Variants in ATP1A2 observed in about 807,000 individuals in gnomAD.
ATP1A2 encodes the protein ATPase Na+/K+ transporting subunit alpha 2, also known as sodium/potassium-transporting ATPase subunit alpha-2.
Under a neutral mutation model 113.1 loss-of-function variants are expected in ATP1A2, and 56 were observed. The ratio of observed to expected loss-of-function variants is 0.49; its 90% CI spans 0.40 to 0.62. ATP1A2 has a LOEUF of 0.62. Among genes scored for constraint, ATP1A2 ranks in the 20% least tolerant of loss-of-function variants. ATP1A2 has a pLI of 0.00. For missense variants in ATP1A2, 712 were observed against 1,357.8 expected (o/e 0.52, Z 7.47); for synonymous variants, 490 against 526.8 (o/e 0.93, Z 0.96).
chr1:160,128,558 C>T (rs1385629124), intron 8 of ATP1A2, 94 bp from the exon 9 acceptor site: 2 of 1,588,414 alleles, frequency 1.3e-6, no homozygotes, highest in Non-Finnish European at 1.7e-6. Flanking sequence ...GGAGTAGAAT[C>T]AGGGGAGGAG....
In ATP1A2 at chr1:160,125,374, T is replaced by A; in HGVS notation, c.748+121T>A. 2.2e-5 allele frequency: 20 copies of A among 913,990 alleles called. No homozygotes were observed. The South Asian group carries it at 2.7e-4, about 13-fold the overall frequency. 56.6% of individuals were successfully genotyped at this position (913,990 alleles called of 1,614,324 possible). A position where few individuals can be genotyped will look rare whatever the true frequency, so the allele number is the denominator to read the frequency against. On this transcript the variant is annotated intron_variant, in intron 7 of 22. Coordinates refer to ENST00000361216, the MANE Select transcript of ATP1A2 (RefSeq NM_000702.4). ...TGCCATTGGTGGGGCAATTGAGGGG[T>A]CAGGGGGCCCTGAATATTATGGAAA...
chr1:160,119,775 GC>G, intron 1 of ATP1A2, among the ~76,000 whole-genome samples: 1 of 151,624 alleles, frequency 6.6e-6, no homozygotes, highest in Non-Finnish European at 1.5e-5. Context: ...ATTCTGGGAG[GC>G]CAAGGTGGGA....
intron 20 of ATP1A2, chr1:160,137,347 GC>G: frequency 2.3e-6 from 1 of 427,876 alleles, no homozygotes; most frequent in Non-Finnish European, 4.4e-6. Flanking sequence ...TGTCTTCTGT[GC>G]CCACCCCTCC....
At chr1:160,141,021 C>A (rs1652131401) in intron 22 of ATP1A2, among the ~76,000 whole-genome samples, 1 of 152,054 alleles carries the variant, frequency 6.6e-6, no homozygotes, top group Admixed American at 6.6e-5. Context: ...TGCCACTATG[C>A]CCGACTAATT....
intron 1 of ATP1A2, among the ~76,000 whole-genome samples, chr1:160,116,080 G>A (rs551282212): frequency 3.3e-5 from 5 of 151,730 alleles, no homozygotes; most frequent in African/African-American, 7.3e-5. Flanking sequence ...TCCTCTGCAC[G>A]CCCCAGCCCC....
chr1:160,134,885 G>A (rs555337361), intron 14 of ATP1A2, among the ~76,000 whole-genome samples: 2 of 152,316 alleles, frequency 1.3e-5, no homozygotes, highest in South Asian at 4.1e-4. Context: ...ACTGCTGTAG[G>A]AGTGGGATGT....
rs1009164481 is a variant in ATP1A2, at chr1:160,142,331, A to C, written c.*1009A>C. ...TTTCTTTTCATGCCCATCCCGATGA[A>C]CCTGCATCATTCCCCGACACTGCCA... On this transcript the variant is annotated 3_prime_UTR_variant, in exon 23 of 23. Transcript: ENST00000361216. 3 of 152,130 alleles carry C rather than the reference A, an allele frequency of 2.0e-5. No homozygotes were observed. The highest frequency in any genetic ancestry group is 7.2e-5 in the African/African-American group (3 of 41,396). 9.4% of individuals were successfully genotyped at this position (152,130 alleles called of 1,614,324 possible). A position where few individuals can be genotyped will look rare whatever the true frequency, so the allele number is the denominator to read the frequency against.
In ATP1A2 at chr1:160,134,555, G is replaced by A; in HGVS notation, c.1899G>A (p.Glu633=). 1 of 1,614,236 alleles carries A rather than the reference G, an allele frequency of 6.2e-7. No homozygotes were observed. Among genetic ancestry groups the A allele is most frequent in the Non-Finnish European group, 8.5e-7 (1 of 1,180,044 alleles). ...AIAKGVGIIS[E]GNETVEDIAA... ...CCAAAGGCGTGGGCATCATATCAGA[G>A]GGTAACGAGACTGTGGAGGACATTG... The change falls in exon 14 of 23, where the codon GAG becomes GAA. Residue 633 remains glutamate (E), a synonymous_variant. Transcript: ENST00000361216.
At position 160,124,152 on chromosome 1, in the gene ATP1A2, G is replaced by A. The variant is rs17846707; in HGVS notation, c.495+96G>A. The A allele has an allele frequency of 0.18, 285,926 of 1,566,028 alleles. 27,762 individuals are homozygous for A. Among genetic ancestry groups the A allele is most frequent in the South Asian group, 0.3 (26,758 of 87,782 alleles). ...GCTCCCAGGCTCTAAGATAGAGATG[G>A]ACAGAAAAGATCCTCCAGCTTTCCA... On this transcript the variant is annotated intron_variant, in intron 5 of 22. Coordinates refer to ENST00000361216, the MANE Select transcript of ATP1A2 (RefSeq NM_000702.4).
Position 160,123,294 on chromosome 1 carries a change from TG to T in ATP1A2, c.262del (p.Val88SerfsTer82). On this transcript the variant is annotated frameshift_variant, in exon 4 of 23. Transcript: ENST00000361216. LOFTEE classifies it high-confidence loss of function. ...ALTPPPTTPE[W>X]VKFCRQLFGG... The stretch of plus-strand genomic sequence containing the variant: ...CACACCACCTCCCACAACCCCTGAG[TG>T]GGTCAAGTTCTGCCGTCAGCTTTTC... The T allele has an allele frequency of 6.2e-7, 1 of 1,614,158 alleles. No individual in the cohort carries two copies. Among genetic ancestry groups the T allele is most frequent in the Non-Finnish European group, 8.5e-7 (1 of 1,180,030 alleles).
intron 13 of ATP1A2, 138 bp from the exon 14 acceptor site, chr1:160,134,346 C>A: frequency 8.0e-7 from 1 of 1,250,500 alleles, no homozygotes; most frequent in Non-Finnish European, 1.1e-6. Flanking sequence ...CAGACGCACA[C>A]ACACATGCCC....
intron 22 of ATP1A2, 108 bp downstream of exon 22, chr1:160,140,092 C>T (rs1184016321): frequency 2.6e-6 from 3 of 1,132,950 alleles, no homozygotes; most frequent in East Asian, 2.4e-5. Context: ...GCTTCTGTTC[C>T]TCAACACCCT....
Position 160,130,146 on chromosome 1 carries a change from G to T in ATP1A2, c.1506G>T (p.Leu502=). 6.2e-7 allele frequency: 1 copy of T among 1,614,238 alleles called. No individual in the cohort carries two copies. The highest frequency in any genetic ancestry group is 8.5e-7 in the Non-Finnish European group (1 of 1,180,052). The change falls in exon 12 of 23, where the codon CTG becomes CTT. Residue 502 remains leucine, a synonymous_variant. Coordinates refer to ENST00000361216, the MANE Select transcript of ATP1A2 (RefSeq NM_000702.4). ...AAGACAGCCCCCAGAGCCACGTGCT[G>T]GTGATGAAGGGGGCCCCAGAGCGCA... ...EREDSPQSHV[L]VMKGAPERIL...
chr1:160,127,517 C>A, intron 7 of ATP1A2, 35 bp from the exon 8 acceptor site: 1 of 1,613,670 alleles, frequency 6.2e-7, no homozygotes, highest in Non-Finnish European at 8.5e-7. Context: ...CTGGGAGCCA[C>A]AAGGCACCCA....
chr1:160,137,187 A>AG, intron 20 of ATP1A2, 156 bp downstream of exon 20: 1 of 1,249,088 alleles, frequency 8.0e-7, no homozygotes, highest in Non-Finnish European at 1.1e-6. Flanking sequence ...GGTTTCATAT[A>AG]GAAGAGAGAA....
intron 1 of ATP1A2, 67 bp downstream of exon 1, chr1:160,115,940 G>A: frequency 6.4e-7 from 1 of 1,572,860 alleles, no homozygotes; most frequent in East Asian, 2.3e-5. Flanking sequence ...GAAGGATGAA[G>A]TGGGAATGGG....
rs750571104 is a variant in ATP1A2, at chr1:160,121,200, C to T, written c.126C>T (p.His42=). 1.9e-6 allele frequency: 3 copies of T among 1,614,232 alleles called. No individual in the cohort carries two copies. Among genetic ancestry groups the T allele is most frequent in the Non-Finnish European group, 2.5e-6 (3 of 1,180,034 alleles). ...CACCCTCCCTTCCCCAGGATGACCA[C>T]AAGCTGTCCTTGGATGAGCTGGGCC... The part of the protein sequence containing the change: ...ELKKEVAMDD[H]KLSLDELGRK... Residue 42 remains histidine (H), a synonymous_variant, in exon 3 of 23, where the codon CAC becomes CAT. Coordinates refer to ENST00000361216, the MANE Select transcript of ATP1A2 (RefSeq NM_000702.4).
chr1:160,133,210 G>A (rs1275079058), intron 13 of ATP1A2, among the ~76,000 whole-genome samples: 1 of 152,086 alleles, frequency 6.6e-6, no homozygotes, highest in Non-Finnish European at 1.5e-5. Flanking sequence ...GGGAGGGCAG[G>A]GTTTCAAGGA....
At position 160,141,249 on chromosome 1, in the gene ATP1A2, C is replaced by A. The variant is rs557006096; in HGVS notation, c.3035-45C>A. On this transcript the variant is annotated intron_variant, in intron 22 of 22. Transcript: ENST00000361216. ...CCCTAGGAAATTGATCTCTTGCCTC[C>A]TTTTAAGCTCATGCTGCAATCTCCA... 5.0e-6 allele frequency: 8 copies of A among 1,613,170 alleles called. No individual in the cohort carries two copies. In the Admixed American group the frequency reaches 1.3e-4, roughly 27 times the overall value.
Sources: gnomAD v4.1 joint callset for allele counts (sites outside exome capture counted in the v4.1 genomes callset) on GRCh38, gnomAD v4.1.1 for gene constraint, MANE v1.5 for transcripts, NCBI Gene and HGNC (gene_info 2026-07-23, HGNC 2026-07-21) for gene names.